Variants in GPR107 observed in about 807,000 individuals in gnomAD.
GPR107 encodes protein GPR107.
GPR107 carries 31 observed loss-of-function variants against 75.5 expected under a neutral mutation model. The ratio of observed to expected loss-of-function variants is 0.41; its 90% CI spans 0.31 to 0.55. GPR107 has a LOEUF of 0.55. GPR107 is among the 20% of genes least tolerant of loss of function. The pLI is 0.26. For synonymous variants in GPR107, 267 were observed against 251.3 expected, an observed-to-expected ratio of 1.06 and a Z score of -0.59; for missense variants, 572 against 665.7, an observed-to-expected ratio of 0.86 and a Z score of 1.55.
intron 10 of GPR107, among the ~76,000 whole-genome samples, chr9:130,100,138 G>A (rs1021330559): frequency 7.9e-5 from 12 of 151,652 alleles, no homozygotes; most frequent in African/African-American, 2.9e-4. Context: ...CTCGTGATCC[G>A]CCCGCCTCAG....
chr9:130,082,149 T>A (rs1200489977), intron 5 of GPR107, among the ~76,000 whole-genome samples: 1 of 152,150 alleles, frequency 6.6e-6, no homozygotes, highest in African/African-American at 2.4e-5. Flanking sequence ...CACCAGCCAT[T>A]CATGAGGGAT....
At chr9:130,122,946 A>T (rs1361757058) in intron 14 of GPR107, among the ~76,000 whole-genome samples, 2 of 152,182 alleles carry the variant, frequency 1.3e-5, no homozygotes, top group Non-Finnish European at 2.9e-5. Context: ...GTGAGCTGTG[A>T]TCGTGCCACT....
At chr9:130,059,929 G>A (rs1307275426) in intron 1 of GPR107, among the ~76,000 whole-genome samples, 1 of 151,630 alleles carries the variant, frequency 6.6e-6, no homozygotes, top group Non-Finnish European at 1.5e-5. Flanking sequence ...TAGTAGAGAC[G>A]GAGTTTCACC....
Position 130,053,969 on chromosome 9 carries a change from C to A in GPR107, c.37C>A (p.Arg13Ser), listed in dbSNP as rs1226636394. 34 of 1,554,984 alleles carry A rather than the reference C, an allele frequency of 2.2e-5. No homozygotes were observed. The highest frequency in any genetic ancestry group is 2.8e-5 in the Non-Finnish European group (32 of 1,150,712). The change falls in exon 1 of 18, where the codon CGC becomes AGC. Residue 13 changes from arginine to serine, a missense_variant. Arg to Ser is a moderately radical substitution (Grantham distance 110, BLOSUM62 -1). Coordinates refer to ENST00000347136, the MANE Select transcript of GPR107 (RefSeq NM_020960.5). The stretch of plus-strand genomic sequence containing the variant: ...GGCGCCCGTCGGCTCCCCCGCCTCC[C>A]GCGGTCCTAGGCTGGCCGCGGGCCT... ...ALAPVGSPAS[R>S]GPRLAAGLRL...
In GPR107 at chr9:130,110,286, T is replaced by C; in HGVS notation, c.1306+2747T>C. ...GGGGTCAGCGTTGTCCCCCAGCATC[T>C]GTAGTAAAGGGTAACTTCCTTTAAC... On this transcript the variant is annotated intron_variant, in intron 14 of 17. Transcript: ENST00000347136. 3.8e-6 allele frequency: 3 copies of C among 791,716 alleles called. No individual in the cohort carries two copies. In the Admixed American group the frequency reaches 6.0e-5, roughly 16 times the overall value. The allele number at this position is 791,716 out of a possible 1,614,324, so 49.0% of individuals were successfully genotyped here.
chr9:130,076,881 CT>C (rs1416695061), intron 3 of GPR107, among the ~76,000 whole-genome samples: 1 of 146,876 alleles, frequency 6.8e-6, no homozygotes, highest in Non-Finnish European at 1.5e-5. Flanking sequence ...AGTTGGTTTA[CT>C]TTTGTTTTTT....
intron 14 of GPR107, among the ~76,000 whole-genome samples, chr9:130,110,085 C>T (rs1171161420): frequency 6.6e-6 from 1 of 152,156 alleles, no homozygotes; most frequent in Non-Finnish European, 1.5e-5. Context: ...TCCCCGGCCC[C>T]TGCTTCGTCC....
chr9:130,125,090 CTTTTTTTTTTT>C, intron 15 of GPR107, 126 bp downstream of exon 15: 7 of 157,990 alleles, frequency 4.4e-5, no homozygotes, highest in Middle Eastern at 2.9e-3. Context: ...GTGTGGCTTG[CTTTTTTTTTTT>C]TTTTTTTTTT....
intron 17 of GPR107, among the ~76,000 whole-genome samples, chr9:130,132,804 A>T (rs1698885456): frequency 7.6e-6 from 1 of 130,836 alleles, no homozygotes; most frequent in Admixed American, 7.7e-5. Context: ...AAATAAAAAA[A>T]AAATATATAT....
chr9:130,062,567 C>G (rs1829952657), intron 1 of GPR107, among the ~76,000 whole-genome samples: 1 of 151,856 alleles, frequency 6.6e-6, no homozygotes, highest in Non-Finnish European at 1.5e-5. Flanking sequence ...GGCCCATAGA[C>G]AGGTAGTTAT....
chr9:130,126,524 A>G (rs951432269), intron 15 of GPR107, among the ~76,000 whole-genome samples: 1 of 151,638 alleles, frequency 6.6e-6, no homozygotes, highest in African/African-American at 2.4e-5. Context: ...CTAATTTTGT[A>G]TTTTTAGTAG....
chr9:130,124,422 G>T (rs763980320), intron 14 of GPR107, among the ~76,000 whole-genome samples: 7 of 152,238 alleles, frequency 4.6e-5, no homozygotes, highest in African/African-American at 7.2e-5. Flanking sequence ...GATAACTTCA[G>T]TGAAATTTGC....
chr9:130,127,123 A>G (rs1281575137), intron 15 of GPR107, among the ~76,000 whole-genome samples: 1 of 152,236 alleles, frequency 6.6e-6, no homozygotes, highest in East Asian at 1.9e-4. Context: ...ACTACTGGTA[A>G]ATATTCCTCA....
intron 14 of GPR107, among the ~76,000 whole-genome samples, chr9:130,114,246 G>A (rs1831372748): frequency 6.6e-6 from 1 of 151,446 alleles, no homozygotes; most frequent in Non-Finnish European, 1.5e-5. Flanking sequence ...GCGCACACCT[G>A]TAATCCCAGC....
At chr9:130,102,417 C>T (rs1034660793) in intron 12 of GPR107, among the ~76,000 whole-genome samples, 2 of 152,168 alleles carry the variant, frequency 1.3e-5, no homozygotes, top group African/African-American at 4.8e-5. Context: ...ACCAGGCTGT[C>T]GTGGGGCATA....
chr9:130,061,509 G>C (rs1829924866), intron 1 of GPR107, among the ~76,000 whole-genome samples: 1 of 152,152 alleles, frequency 6.6e-6, no homozygotes, highest in Non-Finnish European at 1.5e-5. Context: ...GTGATCTAGG[G>C]GAGAGGTACA....
intron 14 of GPR107, among the ~76,000 whole-genome samples, chr9:130,114,832 A>T (rs1000306943): frequency 2.0e-5 from 3 of 152,236 alleles, no homozygotes; most frequent in Non-Finnish European, 2.9e-5. Context: ...TGAGTCTCTC[A>T]TGGACATGGG....
In GPR107 at chr9:130,062,417, A is replaced by AATG. The variant is rs1396804809; in HGVS notation, c.141+8347_141+8349dup. On this transcript the variant is annotated intron_variant, in intron 1 of 17. Transcript: ENST00000347136. ...GACAAGAGCAAGACCCTGTCTCGAA[A>AATG]ATGATAATAATAATAATAATAATAA... Among the ~76,000 whole-genome samples, 7 of 112,360 alleles carry AATG rather than the reference A, an allele frequency of 6.2e-5. No homozygotes were observed. The East Asian group carries it at 9.4e-4, about 15-fold the overall frequency. The allele number at this position is 112,360 out of a possible 152,430, so 73.7% of individuals were successfully genotyped here.
At chr9:130,068,618 AAGC>A (rs1830126133) in intron 1 of GPR107, among the ~76,000 whole-genome samples, 1 of 152,182 alleles carries the variant, frequency 6.6e-6, no homozygotes, top group African/African-American at 2.4e-5. Flanking sequence ...TTATGACTGA[AAGC>A]AGTTTAATAT....
Sources: allele counts gnomAD v4.1 joint callset (sites outside exome capture counted in the v4.1 genomes callset), GRCh38; gene constraint gnomAD v4.1.1; transcripts MANE v1.5; gene names NCBI Gene and HGNC (gene_info 2026-07-23, HGNC 2026-07-21).